KIF3C: variants seen among roughly 807,000 people sequenced by gnomAD.
KIF3C encodes the protein kinesin-like protein KIF3C.
Under a neutral mutation model 67.7 loss-of-function variants are expected in KIF3C, and 12 were observed. The ratio of observed to expected loss-of-function variants is 0.18; its 90% CI spans 0.11 to 0.29. KIF3C has a LOEUF of 0.29. KIF3C is among the 10% of genes least tolerant of loss of function. The pLI, the probability that KIF3C is intolerant of heterozygous loss-of-function variation, is 1.00. For missense variants in KIF3C, 789 were observed against 1,059.6 expected (o/e 0.74, Z 3.55); for synonymous variants, 393 against 426.2 (o/e 0.92, Z 0.96).
chr2:25,956,543 G>C, intron 1 of KIF3C, 99 bp from the exon 2 acceptor site: 1 of 843,608 alleles, frequency 1.2e-6, no homozygotes, highest in Non-Finnish European at 2.0e-6. Flanking sequence ...CCTTCTGGGA[G>C]TGGACACCAG....
At chr2:25,934,928 T>C (rs537690283) in intron 5 of KIF3C, among the ~76,000 whole-genome samples, 2 of 150,972 alleles carry the variant, frequency 1.3e-5, no homozygotes, top group East Asian at 2.0e-4. Context: ...AGAGCGAAGA[T>C]CCCAGCTCTA....
chr2:25,953,621 A>C (rs1663706817), intron 4 of KIF3C, among the ~76,000 whole-genome samples: 1 of 150,450 alleles, frequency 6.6e-6, no homozygotes, highest in Non-Finnish European at 1.5e-5. Flanking sequence ...CAGCCTCCCA[A>C]AGTGCTGGGA....
Position 25,976,372 on chromosome 2 carries a change from G to A in KIF3C, c.1545+4001C>T, listed in dbSNP as rs185123567. 2.0e-3 allele frequency among the ~76,000 whole-genome samples: 308 copies of A among 152,116 alleles called. 1 individual carries two copies. Among genetic ancestry groups the A allele is most frequent in the African/African-American group, 7.0e-3 (289 of 41,478 alleles). ...ATGCTGTTGTTTCTGTCTTCAATTC[G>A]TGCCTGCATTCTGTATCATCTGTAC... On this transcript the variant is annotated intron_variant, in intron 1 of 7. Coordinates refer to ENST00000264712, the MANE Select transcript of KIF3C (RefSeq NM_002254.8).
intron 6 of KIF3C, 48 bp downstream of exon 6, chr2:25,929,907 C>T (rs771838917): frequency 1.6e-5 from 22 of 1,348,094 alleles, no homozygotes; most frequent in South Asian, 2.3e-5. Context: ...TGAGACACCT[C>T]GCCCGGCCTC....
intron 1 of KIF3C, among the ~76,000 whole-genome samples, chr2:25,960,448 C>G (rs1209963771): frequency 6.7e-6 from 1 of 149,254 alleles, no homozygotes; most frequent in Non-Finnish European, 1.5e-5. Flanking sequence ...CCCTCAGTAA[C>G]CAGGCCATAT....
Position 25,982,048 on chromosome 2 carries a change from C to T in KIF3C, c.-131G>A, listed in dbSNP as rs1029268355. ...CAGCTCTTCAATCCGCATGCAGCCT[C>T]CTAGGGTGGGGACGCTGGGAGGTGG... is the stretch of plus-strand genomic sequence containing the variant. On this transcript the variant is annotated 5_prime_UTR_variant, in exon 1 of 8. Coordinates refer to ENST00000264712, the MANE Select transcript of KIF3C (RefSeq NM_002254.8). 11 of 700,578 alleles carry T rather than the reference C, an allele frequency of 1.6e-5. No individual in the cohort carries two copies. The highest frequency in any genetic ancestry group is 2.1e-5 in the Non-Finnish European group (9 of 436,056). The allele number at this position is 700,578 out of a possible 1,614,324, so 43.4% of individuals were successfully genotyped here. A position where few individuals can be genotyped will look rare whatever the true frequency, so the allele number is the denominator to read the frequency against.
chr2:25,937,549 C>T (rs908560922), intron 5 of KIF3C, among the ~76,000 whole-genome samples: 10 of 152,184 alleles, frequency 6.6e-5, no homozygotes, highest in Non-Finnish European at 1.3e-4. Flanking sequence ...AATGCAGAGC[C>T]ATCCCCTCTA....
chr2:25,968,865 C>A (rs1664208462), intron 1 of KIF3C, among the ~76,000 whole-genome samples: 1 of 151,870 alleles, frequency 6.6e-6, no homozygotes, highest in Non-Finnish European at 1.5e-5. Context: ...GCTCTGTCAC[C>A]CAGGCTGGAG....
chr2:25,979,162 C>A (rs58419115), intron 1 of KIF3C, among the ~76,000 whole-genome samples: 25,222 of 152,060 alleles, frequency 0.17, 3,065 homozygotes, highest in African/African-American at 0.35. Flanking sequence ...TCCTTCCTTC[C>A]ACCCCTAGTG....
intron 5 of KIF3C, among the ~76,000 whole-genome samples, chr2:25,938,064 A>T (rs1559548628): frequency 6.6e-6 from 1 of 150,776 alleles, no homozygotes; most frequent in Non-Finnish European, 1.5e-5. Flanking sequence ...AAAAAAAAAA[A>T]ATTATTATTA....
Position 25,955,705 on chromosome 2 carries a change from T to C in KIF3C, c.1648-42A>G. On this transcript the variant is annotated intron_variant, in intron 2 of 7. Transcript: ENST00000264712. This position sits in a 1 kb window ranked among gnomAD's most constrained non-coding sequence, Gnocchi z 5.0. ...CAGTGTGGCTCAAAGGAGCAGTGCA[T>C]ACTCGGGAGGGCCAGGAAAGCTCAG... 1.9e-6 allele frequency: 3 copies of C among 1,608,970 alleles called. No individual in the cohort carries two copies. The highest frequency in any genetic ancestry group is 1.7e-6 in the Non-Finnish European group (2 of 1,176,402).
intron 5 of KIF3C, among the ~76,000 whole-genome samples, chr2:25,932,329 G>A (rs2090467467): frequency 6.6e-6 from 1 of 150,728 alleles, no homozygotes. Flanking sequence ...TAGAGACAGG[G>A]GGTTTCACCA....
chr2:25,926,660 A>C lies in KIF3C; in HGVS notation c.*2318T>G, dbSNP rs2090412256. On this transcript the variant is annotated 3_prime_UTR_variant, in exon 8 of 8. Transcript: ENST00000264712. ...TGATTGGAACAGGGCTGGGGCCTGCAAGCTGCTGGCAGCACCCAGCTGCAG... is the reference window on the plus strand; with the variant it reads ...TGATTGGAACAGGGCTGGGGCCTGCCAGCTGCTGGCAGCACCCAGCTGCAG... The C allele has an allele frequency of 6.6e-6, 1 of 152,228 alleles. No homozygotes were observed. 9.4% of individuals were successfully genotyped at this position (152,228 alleles called of 1,614,324 possible).
intron 4 of KIF3C, among the ~76,000 whole-genome samples, chr2:25,953,562 G>A (rs758440933): frequency 8.6e-5 from 13 of 151,488 alleles, no homozygotes; most frequent in Non-Finnish European, 1.2e-4. Flanking sequence ...GAGTTTCTCC[G>A]TGTTAGCCAG....
At chr2:25,944,868 C>T (rs912832702) in intron 5 of KIF3C, among the ~76,000 whole-genome samples, 5 of 152,110 alleles carry the variant, frequency 3.3e-5, no homozygotes, top group Non-Finnish European at 7.4e-5. Flanking sequence ...CTGTGGCTCA[C>T]GCCTGTAATC....
At chr2:25,940,813 C>T (rs1232823242) in intron 5 of KIF3C, among the ~76,000 whole-genome samples, 10 of 151,496 alleles carry the variant, frequency 6.6e-5, no homozygotes, top group South Asian at 2.1e-4. Context: ...CTACCACACG[C>T]GGCTAGTTTT....
At chr2:25,929,625 T>A (rs901343424) in intron 6 of KIF3C, 148 bp from the exon 7 acceptor site, 2 of 645,264 alleles carry the variant, frequency 3.1e-6, no homozygotes, top group Non-Finnish European at 5.2e-6. Flanking sequence ...TCTTTTTTTT[T>A]TTTCTTCTGA....
chr2:25,979,059 G>A (rs1664489302), intron 1 of KIF3C, among the ~76,000 whole-genome samples: 1 of 152,160 alleles, frequency 6.6e-6, no homozygotes. Context: ...AGTGGCTGTA[G>A]GCTGGGCCCC....
intron 5 of KIF3C, chr2:25,938,411 C>T (rs1371925557): frequency 3.7e-5 from 14 of 375,332 alleles, no homozygotes; most frequent in Middle Eastern, 7.5e-4. Context: ...ACACCTCATT[C>T]TATGCCACAG....
Sources: allele counts gnomAD v4.1 joint callset (sites outside exome capture counted in the v4.1 genomes callset), GRCh38; gene constraint gnomAD v4.1.1; non-coding constraint Gnocchi (gnomAD v3.1); transcripts MANE v1.5; gene names NCBI Gene and HGNC (gene_info 2026-07-23, HGNC 2026-07-21).